NOP58: variants seen among roughly 807,000 people sequenced by gnomAD.
NOP58 encodes nucleolar protein 58.
Under a neutral mutation model 71.2 loss-of-function variants are expected in NOP58, and 44 were observed. The observed-to-expected ratio is 0.62, with a 90% CI of 0.49 to 0.79. The LOEUF (loss-of-function observed/expected upper bound fraction) is 0.79, where lower values mean the gene tolerates loss of function less well. NOP58 is among the 30% of genes least tolerant of loss of function. The probability of loss-of-function intolerance (pLI) is 0.00; values close to 1 mark genes in which losing one functional copy is unlikely to be tolerated. For synonymous variants in NOP58, 228 were observed against 200.3 expected, an observed-to-expected ratio of 1.14 and a Z score of -1.17; for missense variants, 538 against 620.2, an observed-to-expected ratio of 0.87 and a Z score of 1.41.
intron 1 of NOP58, among the ~76,000 whole-genome samples, chr2:202,266,923 C>G (rs1206344426): frequency 1.3e-5 from 2 of 152,126 alleles, no homozygotes; most frequent in Admixed American, 6.6e-5. Context: ...GTCTATTAGA[C>G]CTGATAATGC....
At chr2:202,273,565 A>G (rs1035705986) in intron 1 of NOP58, among the ~76,000 whole-genome samples, 1 of 152,370 alleles carries the variant, frequency 6.6e-6, no homozygotes, top group East Asian at 1.9e-4. Context: ...CAACAGTACT[A>G]GTTTTAAAAC....
chr2:202,265,870 C>T lies in NOP58; in HGVS notation c.-72C>T, dbSNP rs902780739. 1.0e-5 allele frequency: 16 copies of T among 1,589,016 alleles called. No homozygotes were observed. Among genetic ancestry groups the T allele is most frequent in the Admixed American group, 3.4e-5 (2 of 59,238 alleles). ...CGCGGCCTAGGAGGCCTTTTGAGGC[C>T]GCGTAGTCGGTGTTTTTGAACTGAC... On this transcript the variant is annotated 5_prime_UTR_variant, in exon 1 of 15. Transcript: ENST00000264279.
chr2:202,276,433 C>T (rs371977864), intron 2 of NOP58: 47 of 508,316 alleles, frequency 9.2e-5, no homozygotes, highest in African/African-American at 7.3e-4. Context: ...TAATCTGATT[C>T]GTTGTTGTCA....
At chr2:202,268,621 T>G (rs1157987528) in intron 1 of NOP58, among the ~76,000 whole-genome samples, 1 of 151,334 alleles carries the variant, frequency 6.6e-6, no homozygotes, top group Non-Finnish European at 1.5e-5. Flanking sequence ...TGTTTTTTTG[T>G]TTTTTTTGAG....
chr2:202,286,283 T>C (rs977773426), intron 5 of NOP58, among the ~76,000 whole-genome samples: 2 of 150,106 alleles, frequency 1.3e-5, no homozygotes, highest in African/African-American at 2.5e-5. Context: ...GGCAGGTGAA[T>C]CATGAGGTCA....
chr2:202,265,806 T>C lies in NOP58; in HGVS notation c.-136T>C, dbSNP rs1428491842. The C allele has an allele frequency of 2.3e-6, 2 of 879,728 alleles. No individual in the cohort carries two copies. The highest frequency in any genetic ancestry group is 3.9e-5 in the Admixed American group (2 of 51,628). 54.5% of individuals were successfully genotyped at this position (879,728 alleles called of 1,614,324 possible). ...GGAGGGTTTAGGCAGCGTGTTCTGA[T>C]TCTTTGCGGGACGGCGAGCGCATTT... On this transcript the variant is annotated 5_prime_UTR_variant, in exon 1 of 15. Coordinates refer to ENST00000264279, the MANE Select transcript of NOP58 (RefSeq NM_015934.5).
At chr2:202,285,205 C>T (rs897136813) in intron 5 of NOP58, among the ~76,000 whole-genome samples, 4 of 151,894 alleles carry the variant, frequency 2.6e-5, no homozygotes, top group Non-Finnish European at 5.9e-5. Context: ...TACTGCCCAA[C>T]TAATTTTTGT....
chr2:202,290,936 G>A (rs1365434154), intron 7 of NOP58, 189 bp from the exon 8 acceptor site: 3 of 469,998 alleles, frequency 6.4e-6, no homozygotes, highest in African/African-American at 6.0e-5. Flanking sequence ...GTGGTGGGGA[G>A]ACATTTAATG....
At chr2:202,293,938 A>T (rs1688946474) in intron 9 of NOP58, among the ~76,000 whole-genome samples, 1 of 152,138 alleles carries the variant, frequency 6.6e-6, no homozygotes, top group Non-Finnish European at 1.5e-5. Context: ...CAGCTATAAG[A>T]TCAGATGATT....
chr2:202,282,220 T>G, intron 3 of NOP58, 131 bp from the exon 4 acceptor site: 1 of 681,744 alleles, frequency 1.5e-6, no homozygotes, highest in Non-Finnish European at 2.4e-6. Flanking sequence ...ATATATCATT[T>G]CATTTCAGAA....
At chr2:202,274,067 A>G (rs1688548629) in intron 1 of NOP58, among the ~76,000 whole-genome samples, 1 of 152,140 alleles carries the variant, frequency 6.6e-6, no homozygotes, top group South Asian at 2.1e-4. Flanking sequence ...TGATTAAAGT[A>G]CCCTATGTTT....
intron 13 of NOP58, 77 bp downstream of exon 13, chr2:202,300,444 C>T (rs1441403953): frequency 2.6e-6 from 3 of 1,172,514 alleles, no homozygotes; most frequent in Non-Finnish European, 3.6e-6. Flanking sequence ...CTTAAAAGTA[C>T]ATGCCATCCC....
intron 12 of NOP58, among the ~76,000 whole-genome samples, chr2:202,299,703 T>C (rs1044573715): frequency 6.6e-6 from 1 of 152,212 alleles, no homozygotes; most frequent in Non-Finnish European, 1.5e-5. Context: ...CAGTATTTTC[T>C]TTCTGCTTAC....
At chr2:202,275,397 C>A in intron 2 of NOP58, 1 of 466,426 alleles carries the variant, frequency 2.1e-6, no homozygotes, top group Non-Finnish European at 3.9e-6. Context: ...GTAGTCTCCC[C>A]CTTACCCACA....
chr2:202,266,056 A>G (rs1688408909), intron 1 of NOP58, 70 bp downstream of exon 1: 4 of 1,556,150 alleles, frequency 2.6e-6, no homozygotes, highest in Non-Finnish European at 2.7e-6. Context: ...GAAAGACTTA[A>G]GCACGGAACT....
At chr2:202,301,342 G>A (rs533266639) in intron 13 of NOP58, among the ~76,000 whole-genome samples, 11 of 152,036 alleles carry the variant, frequency 7.2e-5, no homozygotes, top group Non-Finnish European at 1.3e-4. Flanking sequence ...GCACCACCAC[G>A]CCCAGCTAAT....
At position 202,265,802 on chromosome 2, in the gene NOP58, C is replaced by T. The variant is rs1285139631; in HGVS notation, c.-140C>T. On this transcript the variant is annotated 5_prime_UTR_variant, in exon 1 of 15. Transcript: ENST00000264279. Reference sequence around the variant, plus strand: ...GCGTGGAGGGTTTAGGCAGCGTGTTCTGATTCTTTGCGGGACGGCGAGCGC... The same window carrying T: ...GCGTGGAGGGTTTAGGCAGCGTGTTTTGATTCTTTGCGGGACGGCGAGCGC... 39 of 848,458 alleles carry T rather than the reference C, an allele frequency of 4.6e-5. No individual in the cohort carries two copies. Among genetic ancestry groups the T allele is most frequent in the Non-Finnish European group, 7.0e-5 (36 of 515,454 alleles). The allele number at this position is 848,458 out of a possible 1,614,324, so 52.6% of individuals were successfully genotyped here.
chr2:202,272,734 C>CT, intron 1 of NOP58, among the ~76,000 whole-genome samples: 1 of 152,244 alleles, frequency 6.6e-6, no homozygotes, highest in African/African-American at 2.4e-5. Context: ...TTTAAGAGGA[C>CT]ATGTATCAAA....
chr2:202,284,259 T>G (rs1286397470), intron 4 of NOP58, 86 bp from the exon 5 acceptor site: 2 of 1,156,142 alleles, frequency 1.7e-6, no homozygotes, highest in African/African-American at 3.1e-5. Context: ...GGCGACAGAG[T>G]GATACTGTGT....
Sources: allele counts gnomAD v4.1 joint callset (sites outside exome capture counted in the v4.1 genomes callset), GRCh38; gene constraint gnomAD v4.1.1; transcripts MANE v1.5; gene names NCBI Gene and HGNC (gene_info 2026-07-23, HGNC 2026-07-21).